ZNG1B: variants seen among roughly 807,000 people sequenced by gnomAD.
The protein encoded by ZNG1B is Zn regulated GTPase metalloprotein activator 1B, also known as zinc-regulated GTPase metalloprotein activator 1B.
the ZNG1B span, among the ~76,000 whole-genome samples, chr2:113,493,555 A>AT: frequency 7.8e-6 from 1 of 128,514 alleles, no homozygotes; most frequent in Non-Finnish European, 1.6e-5. Flanking sequence ...TACTAAATCC[A>AT]TTGGTACCTG....
chr2:113,463,361 G>A, the ZNG1B span, among the ~76,000 whole-genome samples: 1 of 151,954 alleles, frequency 6.6e-6, no homozygotes, highest in Non-Finnish European at 1.5e-5. Flanking sequence ...ACTATTCTTA[G>A]TATTTATAAG....
At chr2:113,441,605 A>G in the ZNG1B span, 1 of 429,234 alleles carries the variant, frequency 2.3e-6, no homozygotes, top group Non-Finnish European at 4.3e-6. Context: ...GGGTTGAGAT[A>G]CTGAAATTAG....
the ZNG1B span, among the ~76,000 whole-genome samples, chr2:113,473,167 A>G: frequency 6.6e-6 from 1 of 151,512 alleles, no homozygotes; most frequent in Non-Finnish European, 1.5e-5. Flanking sequence ...TTCCTTGAGC[A>G]GTGGTTTGTA....
the ZNG1B span, among the ~76,000 whole-genome samples, chr2:113,479,704 CT>C: frequency 6.6e-6 from 1 of 152,178 alleles, no homozygotes; most frequent in Non-Finnish European, 1.5e-5. Context: ...TGGATTAGAA[CT>C]GTATTTTTAA....
At chr2:113,475,665 G>A in the ZNG1B span, among the ~76,000 whole-genome samples, 1 of 152,188 alleles carries the variant, frequency 6.6e-6, no homozygotes. Context: ...TCCTTCAGGA[G>A]CTCTTTTAGG....
chr2:113,488,226 C>T, the ZNG1B span, among the ~76,000 whole-genome samples: 2 of 152,290 alleles, frequency 1.3e-5, no homozygotes, highest in East Asian at 3.9e-4. Flanking sequence ...CAGCCTGGAG[C>T]CTGGTAGACT....
At chr2:113,445,334 A>T in the ZNG1B span, 1 of 343,476 alleles carries the variant, frequency 2.9e-6, no homozygotes, top group Non-Finnish European at 5.5e-6. Flanking sequence ...AAAAATAAGG[A>T]CATGTAGGAA....
At chr2:113,438,099 C>A in the ZNG1B span, 7 of 1,602,398 alleles carry the variant, frequency 4.4e-6, no homozygotes, top group South Asian at 5.5e-5. Flanking sequence ...TGCCTCTTCT[C>A]CTGAGGCATT....
the ZNG1B span, among the ~76,000 whole-genome samples, chr2:113,443,435 T>G: frequency 6.6e-6 from 1 of 151,842 alleles, no homozygotes; most frequent in African/African-American, 2.4e-5. Flanking sequence ...ACTAGTCTAT[T>G]TAGAAAGTTT....
chr2:113,480,049 G>A, the ZNG1B span, among the ~76,000 whole-genome samples: 3 of 151,594 alleles, frequency 2.0e-5, no homozygotes, highest in Non-Finnish European at 2.9e-5. Context: ...TTAAACTCCT[G>A]GGCTTAAGTG....
At chr2:113,445,503 T>G in the ZNG1B span, 26 of 164,792 alleles carry the variant, frequency 1.6e-4, no homozygotes, top group African/African-American at 6.0e-4. Context: ...CCCATATACT[T>G]TAAATCATCT....
At chr2:113,483,185 T>C in the ZNG1B span, among the ~76,000 whole-genome samples, 32 of 152,282 alleles carry the variant, frequency 2.1e-4, no homozygotes, top group African/African-American at 7.7e-4. Flanking sequence ...TTTGAGCTTC[T>C]GGGTAAAGAA....
At chr2:113,489,053 G>A in the ZNG1B span, among the ~76,000 whole-genome samples, 1 of 151,232 alleles carries the variant, frequency 6.6e-6, no homozygotes, top group Non-Finnish European at 1.5e-5. Context: ...CATCATCTAG[G>A]CACATTGTCG....
chr2:113,445,318 G>A, the ZNG1B span: 7 of 376,364 alleles, frequency 1.9e-5, no homozygotes, highest in Non-Finnish European at 3.4e-5. Context: ...AAGAACAGAA[G>A]TTGTTAAAAA....
the ZNG1B span, among the ~76,000 whole-genome samples, chr2:113,487,083 A>C: frequency 6.6e-6 from 1 of 152,050 alleles, no homozygotes. Flanking sequence ...AAGTATAGTC[A>C]TGCACCGCAT....
the ZNG1B span, among the ~76,000 whole-genome samples, chr2:113,487,706 GA>G: frequency 6.9e-6 from 1 of 144,110 alleles, no homozygotes; most frequent in Non-Finnish European, 1.5e-5. Flanking sequence ...TATATGACGG[GA>G]TTTTTTTTAA....
chr2:113,438,186 C>T, the ZNG1B span, among the ~76,000 whole-genome samples: 2 of 152,102 alleles, frequency 1.3e-5, no homozygotes, highest in African/African-American at 4.8e-5. Flanking sequence ...TGCCTCTCAT[C>T]TTGGGAGTTA....
chr2:113,484,515 C>T, the ZNG1B span, among the ~76,000 whole-genome samples: 1 of 152,190 alleles, frequency 6.6e-6, no homozygotes, highest in Non-Finnish European at 1.5e-5. Flanking sequence ...ATAGCATGTC[C>T]TGAACCCCAT....
the ZNG1B span, among the ~76,000 whole-genome samples, chr2:113,475,879 C>T: frequency 6.6e-6 from 1 of 152,170 alleles, no homozygotes; most frequent in Non-Finnish European, 1.5e-5. Context: ...TGATGGGCTT[C>T]CCTTTGAGGG....
Sources: allele counts gnomAD v4.1 joint callset (sites outside exome capture counted in the v4.1 genomes callset), GRCh38; gene constraint gnomAD v4.1.1; transcripts MANE v1.5; gene names NCBI Gene and HGNC (gene_info 2026-07-23, HGNC 2026-07-21).